The following RANBP2 variants were observed in gnomAD, a reference collection of about 807,000 sequenced individuals.
The protein encoded by RANBP2 is RAN binding protein 2, also known as E3 SUMO-protein ligase RanBP2.
A neutral mutation model predicts 303.6 loss-of-function variants in RANBP2; 57 were observed. That is an observed-to-expected ratio of 0.19 (90% CI 0.15 to 0.23). The LOEUF is 0.23. Among genes scored for constraint, RANBP2 ranks in the 10% least tolerant of loss-of-function variants. The probability of loss-of-function intolerance (pLI) is 1.00; values close to 1 mark genes in which losing one functional copy is unlikely to be tolerated. For synonymous variants in RANBP2, 1,167 were observed against 1,301.5 expected (o/e 0.90, Z 2.23); for missense variants, 3,138 against 3,780.8 (o/e 0.83, Z 4.46).
At chr2:109,169,392 T>A in the RANBP2 span, among the ~76,000 whole-genome samples, 4 of 152,218 alleles carry the variant, frequency 2.6e-5, no homozygotes, top group African/African-American at 9.6e-5. Flanking sequence ...ATGATGGTGA[T>A]GATGTGGCTG....
At chr2:108,986,091 A>G in the RANBP2 span, among the ~76,000 whole-genome samples, 3 of 152,124 alleles carry the variant, frequency 2.0e-5, no homozygotes, top group Admixed American at 1.3e-4. Context: ...TGAAAAATTA[A>G]ATATGGTCAA....
At chr2:108,918,029 C>T in the RANBP2 span, among the ~76,000 whole-genome samples, 8 of 152,088 alleles carry the variant, frequency 5.3e-5, no homozygotes, top group Middle Eastern at 3.4e-3. Flanking sequence ...ATATTATTAG[C>T]GCACCAGCAT....
At chr2:109,644,303 C>G in the RANBP2 span, among the ~76,000 whole-genome samples, 1 of 151,872 alleles carries the variant, frequency 6.6e-6, no homozygotes, top group Non-Finnish European at 1.5e-5. Flanking sequence ...TGAGACTCGT[C>G]TCAAAAAAAA....
At chr2:108,864,162 G>A in the RANBP2 span, among the ~76,000 whole-genome samples, 4 of 150,978 alleles carry the variant, frequency 2.6e-5, no homozygotes, top group Non-Finnish European at 5.9e-5. Context: ...CTCATATTTT[G>A]TGAAAAAAAA....
chr2:108,757,057 G>C (rs914177889), intron 17 of RANBP2, among the ~76,000 whole-genome samples: 15 of 152,158 alleles, frequency 9.9e-5, no homozygotes, highest in Non-Finnish European at 2.1e-4. Flanking sequence ...TGAAACACTT[G>C]TAGAAAAAGA....
At chr2:109,278,665 C>T in the RANBP2 span, among the ~76,000 whole-genome samples, 10 of 152,186 alleles carry the variant, frequency 6.6e-5, no homozygotes, top group Non-Finnish European at 1.3e-4. Flanking sequence ...TTGATTAGGT[C>T]CAGGTCTGCT....
the RANBP2 span, among the ~76,000 whole-genome samples, chr2:109,295,292 C>T: frequency 2.6e-5 from 4 of 152,202 alleles, no homozygotes; most frequent in Admixed American, 6.5e-5. Context: ...GTGCTCTTGT[C>T]ATCCCCAATT....
At chr2:109,642,524 C>G in the RANBP2 span, among the ~76,000 whole-genome samples, 55,246 of 150,610 alleles carry the variant, frequency 0.37, 11,403 homozygotes, top group Middle Eastern at 0.58. Flanking sequence ...CCGAGGCGGG[C>G]GGATCATGAG....
At chr2:109,710,803 C>T in the RANBP2 span, among the ~76,000 whole-genome samples, 2 of 152,110 alleles carry the variant, frequency 1.3e-5, no homozygotes, top group East Asian at 3.9e-4. Context: ...ATGGGCTGAA[C>T]CCCCCGGGCA....
the RANBP2 span, chr2:109,437,034 C>G: frequency 6.2e-7 from 1 of 1,613,890 alleles, no homozygotes. Context: ...CCCTGCCCAT[C>G]ACCACTCCCC....
the RANBP2 span, among the ~76,000 whole-genome samples, chr2:108,974,134 C>T: frequency 1.3e-5 from 2 of 151,082 alleles, no homozygotes; most frequent in Middle Eastern, 3.2e-3. Flanking sequence ...TCGAGACCAT[C>T]CTGGCTAACA....
At chr2:109,236,446 G>T in the RANBP2 span, among the ~76,000 whole-genome samples, 1 of 152,214 alleles carries the variant, frequency 6.6e-6, no homozygotes, top group Non-Finnish European at 1.5e-5. Flanking sequence ...TTCACCTTGA[G>T]CACACAGCTG....
the RANBP2 span, among the ~76,000 whole-genome samples, chr2:109,357,073 A>G: frequency 6.6e-6 from 1 of 151,192 alleles, no homozygotes; most frequent in African/African-American, 2.4e-5. Flanking sequence ...TTTTTTTATT[A>G]TGTTATATAT....
chr2:109,542,171 A>T, the RANBP2 span, among the ~76,000 whole-genome samples: 1 of 152,214 alleles, frequency 6.6e-6, no homozygotes. Flanking sequence ...TTCATTTTCT[A>T]ATCTTGTGCC....
At chr2:109,662,922 T>G in the RANBP2 span, among the ~76,000 whole-genome samples, 1 of 152,232 alleles carries the variant, frequency 6.6e-6, no homozygotes, top group Non-Finnish European at 1.5e-5. Flanking sequence ...GCAGAGCATC[T>G]GTACTGCCAC....
chr2:109,625,547 TC>T, the RANBP2 span, among the ~76,000 whole-genome samples: 1 of 150,240 alleles, frequency 6.7e-6, no homozygotes, highest in Admixed American at 6.6e-5. Flanking sequence ...GTGCCTGTAG[TC>T]CCAGCTACTC....
At position 108,781,325 on chromosome 2, in the gene RANBP2, G is replaced by A. The variant is rs764756886; in HGVS notation, c.8656G>A (p.Gly2886Arg). ...AGCTGTGTTTGGAACACAGTCAGTC[G>A]GAACCCAGTCAGCCGGTAAAGTTGG... The part of the protein sequence containing the change: ...GAAVFGTQSV[G>R]TQSAGKVGED... Residue 2886 changes from glycine to arginine, a missense_variant, in exon 26 of 29, where the codon GGA (glycine) becomes AGA (arginine). By Grantham distance (125) the Gly-to-Arg change is moderately radical (BLOSUM62 -2). Transcript: ENST00000283195. 44 of 1,613,970 alleles carry A rather than the reference G, an allele frequency of 2.7e-5. No homozygotes were observed. Among genetic ancestry groups the A allele is most frequent in the Non-Finnish European group, 3.5e-5 (41 of 1,180,032 alleles).
the RANBP2 span, among the ~76,000 whole-genome samples, chr2:109,005,278 G>A: frequency 6.6e-6 from 1 of 152,132 alleles, no homozygotes; most frequent in Non-Finnish European, 1.5e-5. Flanking sequence ...AAAATACTGG[G>A]AATTCATTCC....
chr2:109,715,784 C>G, the RANBP2 span, among the ~76,000 whole-genome samples: 1 of 152,180 alleles, frequency 6.6e-6, no homozygotes, highest in African/African-American at 2.4e-5. Flanking sequence ...GGCAGCCAGC[C>G]CCCATCCTGA....
Sources: gnomAD v4.1 joint callset for allele counts (sites outside exome capture counted in the v4.1 genomes callset) on GRCh38, gnomAD v4.1.1 for gene constraint, MANE v1.5 for transcripts, NCBI Gene and HGNC (gene_info 2026-07-23, HGNC 2026-07-21) for gene names.